FAM234B: variants seen among roughly 807,000 people sequenced by gnomAD.
FAM234B encodes family with sequence similarity 234 member B.
FAM234B carries 33 observed loss-of-function variants against 69.3 expected under a neutral mutation model. The observed-to-expected ratio is 0.48, with a 90% CI of 0.36 to 0.64. The LOEUF is 0.64. FAM234B is among the 30% of genes least tolerant of loss of function. FAM234B has a pLI of 0.00. For synonymous variants in FAM234B, 306 were observed against 306.9 expected (o/e 1.00, Z 0.03); for missense variants, 697 against 769.7 (o/e 0.91, Z 1.12).
intron 5 of FAM234B, among the ~76,000 whole-genome samples, chr12:13,063,592 C>T (rs1865007316): frequency 6.6e-6 from 1 of 152,166 alleles, no homozygotes; most frequent in African/African-American, 2.4e-5. Context: ...AGGACAGTGG[C>T]CCTTGAATTA....
intron 1 of FAM234B, among the ~76,000 whole-genome samples, chr12:13,052,242 A>C (rs1864884322): frequency 6.6e-6 from 1 of 152,154 alleles, no homozygotes; most frequent in Admixed American, 6.5e-5. Flanking sequence ...AGGCCAGTGG[A>C]TTCCCTAATA....
intron 3 of FAM234B, among the ~76,000 whole-genome samples, chr12:13,059,614 G>C (rs912784150): frequency 6.6e-6 from 1 of 152,202 alleles, no homozygotes; most frequent in African/African-American, 2.4e-5. Flanking sequence ...CCTAGTGACT[G>C]CTTTTAAGTC....
chr12:13,046,134 A>G (rs558656986), intron 1 of FAM234B, among the ~76,000 whole-genome samples: 2 of 151,850 alleles, frequency 1.3e-5, no homozygotes, highest in East Asian at 3.9e-4. Context: ...TGTGGGTTTT[A>G]AGAAAATGTT....
At chr12:13,051,935 G>T (rs1015952732) in intron 1 of FAM234B, among the ~76,000 whole-genome samples, 2 of 152,298 alleles carry the variant, frequency 1.3e-5, no homozygotes, top group East Asian at 3.9e-4. Context: ...ACAATCATAT[G>T]AGCTAAAAAG....
rs976554792 is a variant in FAM234B at position 13,056,462 on chromosome 12, C to G, written c.433+516C>G. On this transcript the variant is annotated intron_variant, in intron 2 of 12. Transcript: ENST00000197268. ...TGCTGTCTGAGTAATTCCAGCTATT[C>G]TGTCTCCTTTTTGGAGTAGGCTTCT... Among the ~76,000 whole-genome samples the G allele has an allele frequency of 2.0e-5, 3 of 152,316 alleles. No individual in the cohort carries two copies. In the South Asian group the frequency reaches 6.2e-4, roughly 32 times the overall value.
intron 10 of FAM234B, among the ~76,000 whole-genome samples, chr12:13,074,945 C>T (rs1457002732): frequency 1.3e-5 from 2 of 152,156 alleles, no homozygotes; most frequent in African/African-American, 4.8e-5. Flanking sequence ...GGAGGAGAGG[C>T]ACTTGGGAAG....
At chr12:13,069,791 C>A (rs1043375942) in intron 9 of FAM234B, among the ~76,000 whole-genome samples, 9 of 152,062 alleles carry the variant, frequency 5.9e-5, no homozygotes, top group African/African-American at 2.2e-4. Context: ...CTGGAGGAGG[C>A]GTTGGAGGCC....
intron 3 of FAM234B, among the ~76,000 whole-genome samples, 156 bp from the exon 4 acceptor site, chr12:13,061,419 C>T (rs1246312000): frequency 6.6e-6 from 1 of 152,236 alleles, no homozygotes; most frequent in Non-Finnish European, 1.5e-5. Context: ...ACTCTGTGTT[C>T]ACATCTTGCT....
chr12:13,068,770 A>G (rs1418970656), intron 9 of FAM234B, 59 bp downstream of exon 9: 3 of 1,149,894 alleles, frequency 2.6e-6, no homozygotes, highest in African/African-American at 1.5e-5. Context: ...TTTGTGTCCA[A>G]CCCTGTGTTA....
chr12:13,055,426 G>A lies in FAM234B; in HGVS notation c.38-125G>A, dbSNP rs1469574730. ...CAGATAGCCACCAAGGTTCAAACTTGATGTAAACCTGGATTTTTTTGTTTT... is the reference window on the plus strand; with the variant it reads ...CAGATAGCCACCAAGGTTCAAACTTAATGTAAACCTGGATTTTTTTGTTTT... On this transcript the variant is annotated intron_variant, in intron 1 of 12. Coordinates refer to ENST00000197268, the MANE Select transcript of FAM234B (RefSeq NM_020853.2). 3 of 928,530 alleles carry A rather than the reference G, an allele frequency of 3.2e-6. No homozygotes were observed. In the African/African-American group the frequency reaches 5.0e-5, roughly 15 times the overall value. 57.5% of individuals were successfully genotyped at this position (928,530 alleles called of 1,614,324 possible). A position where few individuals can be genotyped will look rare whatever the true frequency, so the allele number is the denominator to read the frequency against.
At position 13,055,611 on chromosome 12, in the gene FAM234B, G is replaced by C; in HGVS notation, c.98G>C (p.Ser33Thr). 6.2e-7 allele frequency: 1 copy of C among 1,614,124 alleles called. No homozygotes were observed. The change falls in exon 2 of 13, where the codon AGC becomes ACC. Residue 33 changes from serine to threonine, a missense_variant. Around this residue, in one of 3 missense-constraint regions of FAM234B, gnomAD observed 380 missense variants for 447.1 expected, o/e 0.85. Coordinates refer to ENST00000197268, the MANE Select transcript of FAM234B (RefSeq NM_020853.2). ...CTTACCCAGGCTGACAGTGATGAGA[G>C]CGAAGACGATCTGGTGCTTAACCTG... is the stretch of plus-strand genomic sequence containing the variant. ...DPLTQADSDE[S>T]EDDLVLNLQK...
At position 13,067,801 on chromosome 12, in the gene FAM234B, T is replaced by C. The variant is rs1264187416; in HGVS notation, c.1143-503T>C. Reference sequence around the variant, plus strand: ...AGCCTGGCTAATAATTGTTTCATTCTTTCCTACCAGAAGTTCCAAATCATT... The same window carrying C: ...AGCCTGGCTAATAATTGTTTCATTCCTTCCTACCAGAAGTTCCAAATCATT... On this transcript the variant is annotated intron_variant, in intron 7 of 12. Transcript: ENST00000197268. The surrounding 1 kb of genome is among the most constrained non-coding windows in gnomAD (Gnocchi z 4.7). Among the ~76,000 whole-genome samples the C allele has an allele frequency of 6.6e-6, 1 of 152,284 alleles. No homozygotes were observed. The highest frequency in any genetic ancestry group is 1.9e-4 in the East Asian group (1 of 5,208).
intron 10 of FAM234B, among the ~76,000 whole-genome samples, chr12:13,072,729 CAAAAA>C (rs55734917): frequency 2.2e-5 from 2 of 90,014 alleles, no homozygotes; most frequent in African/African-American, 3.7e-5. Flanking sequence ...GACTTTGTCT[CAAAAA>C]AAAAAAAAAA....
At chr12:13,079,314 T>C (rs1000047894) in intron 11 of FAM234B, among the ~76,000 whole-genome samples, 11 of 152,300 alleles carry the variant, frequency 7.2e-5, no homozygotes, top group Admixed American at 7.2e-4. Context: ...TAATAAATGG[T>C]GCTGGGAAAA....
chr12:13,047,936 TA>T (rs1169591104), intron 1 of FAM234B, among the ~76,000 whole-genome samples: 1 of 152,134 alleles, frequency 6.6e-6, no homozygotes, highest in Non-Finnish European at 1.5e-5. Flanking sequence ...TGTAAATAGA[TA>T]GAAAAAATAT....
At chr12:13,066,447 G>T (rs1865036967) in intron 5 of FAM234B, among the ~76,000 whole-genome samples, 193 bp from the exon 6 acceptor site, 1 of 152,172 alleles carries the variant, frequency 6.6e-6, no homozygotes, top group South Asian at 2.1e-4. Flanking sequence ...CTCTAGTGAG[G>T]CAATGGGACA....
At chr12:13,045,534 A>G (rs1328186315) in intron 1 of FAM234B, among the ~76,000 whole-genome samples, 2 of 152,160 alleles carry the variant, frequency 1.3e-5, no homozygotes, top group African/African-American at 4.8e-5. Flanking sequence ...CCAGTATGCT[A>G]CCCTGAAGCG....
chr12:13,045,914 T>C (rs1864805624), intron 1 of FAM234B, among the ~76,000 whole-genome samples: 1 of 152,078 alleles, frequency 6.6e-6, no homozygotes, highest in South Asian at 2.1e-4. Flanking sequence ...TGCATGAAAA[T>C]CTTGCTTTAG....
chr12:13,060,872 C>G (rs984504852), intron 3 of FAM234B, among the ~76,000 whole-genome samples: 5 of 152,168 alleles, frequency 3.3e-5, no homozygotes, highest in Non-Finnish European at 7.3e-5. Flanking sequence ...CATGGCTACT[C>G]TAATCCCTTA....
Sources: allele counts gnomAD v4.1 joint callset (sites outside exome capture counted in the v4.1 genomes callset), GRCh38; gene constraint gnomAD v4.1.1; regional missense constraint gnomAD v4.1.1; non-coding constraint Gnocchi (gnomAD v3.1); transcripts MANE v1.5; gene names NCBI Gene and HGNC (gene_info 2026-07-23, HGNC 2026-07-21).